Variants in SPHKAP observed in about 807,000 individuals in gnomAD.
The protein encoded by SPHKAP is SPHK1 interactor, AKAP domain containing.
In SPHKAP, 67 loss-of-function variants were observed where a neutral mutation model predicts 137.5. That is an observed-to-expected ratio of 0.49 (90% CI 0.40 to 0.60). The LOEUF is 0.60. SPHKAP is among the 20% of genes least tolerant of loss of function. The pLI is 0.00. For missense variants in SPHKAP, 2,097 were observed against 2,069.3 expected, an observed-to-expected ratio of 1.01 and a Z score of -0.26; for synonymous variants, 813 against 785.3, an observed-to-expected ratio of 1.04 and a Z score of -0.59.
intron 3 of SPHKAP, among the ~76,000 whole-genome samples, chr2:228,074,914 A>G (rs1167199384): frequency 6.6e-6 from 1 of 151,792 alleles, no homozygotes. Context: ...ATTCCTGCCA[A>G]TCAAGTCTCA....
At chr2:228,089,439 G>A (rs1375659517) in intron 3 of SPHKAP, among the ~76,000 whole-genome samples, 2 of 152,198 alleles carry the variant, frequency 1.3e-5, no homozygotes, top group East Asian at 1.9e-4. Context: ...ATTTAAAAGG[G>A]AAGCAGAGCA....
intron 3 of SPHKAP, among the ~76,000 whole-genome samples, chr2:228,051,160 A>G (rs775557904): frequency 6.6e-6 from 1 of 152,068 alleles, no homozygotes; most frequent in Non-Finnish European, 1.5e-5. Flanking sequence ...ATTTTGGGCA[A>G]ATGAATATTT....
chr2:228,181,668 A>G lies in SPHKAP; in HGVS notation c.-70T>C, dbSNP rs1440367528. 1 of 1,613,750 alleles carries G rather than the reference A, an allele frequency of 6.2e-7. No homozygotes were observed. The highest frequency in any genetic ancestry group is 2.2e-5 in the East Asian group (1 of 44,848). ...GGATAAGTCTGTGGTGCTAGGACCC[A>G]GCTCCCAGAGTGCCAGACTGGCGCG... On this transcript the variant is annotated 5_prime_UTR_variant, in exon 1 of 12. Coordinates refer to ENST00000392056, the MANE Select transcript of SPHKAP (RefSeq NM_001142644.2). The surrounding 1 kb of genome is among the most constrained non-coding windows in gnomAD (Gnocchi z 4.3).
At chr2:228,171,081 A>T (rs1700570849) in intron 1 of SPHKAP, among the ~76,000 whole-genome samples, 2 of 152,104 alleles carry the variant, frequency 1.3e-5, no homozygotes, top group African/African-American at 4.8e-5. Context: ...TTGTATAGAC[A>T]TTATTTTTTC....
intron 3 of SPHKAP, among the ~76,000 whole-genome samples, chr2:228,034,640 T>G (rs1243067836): frequency 6.6e-6 from 1 of 152,150 alleles, no homozygotes; most frequent in African/African-American, 2.4e-5. Flanking sequence ...AATAAAATAT[T>G]GGCAAACCGA....
intron 4 of SPHKAP, among the ~76,000 whole-genome samples, chr2:228,027,140 A>G (rs1695072816): frequency 6.6e-6 from 1 of 152,222 alleles, no homozygotes; most frequent in Non-Finnish European, 1.5e-5. Flanking sequence ...TGATGAAAGC[A>G]GCAGGAAGAA....
chr2:228,020,498 C>T (rs1029253265), intron 6 of SPHKAP, among the ~76,000 whole-genome samples: 6 of 152,100 alleles, frequency 3.9e-5, no homozygotes, highest in Admixed American at 1.3e-4. Context: ...TGTTCTCACT[C>T]ATAGGTGGGA....
chr2:228,151,089 C>G (rs568198533), intron 1 of SPHKAP, among the ~76,000 whole-genome samples: 3 of 142,756 alleles, frequency 2.1e-5, no homozygotes, highest in South Asian at 2.3e-4. Context: ...CCCGCTCCCC[C>G]CACCCCACCA....
At chr2:228,027,709 T>C (rs1043790823) in intron 3 of SPHKAP, among the ~76,000 whole-genome samples, 166 bp from the exon 4 acceptor site, 2 of 152,086 alleles carry the variant, frequency 1.3e-5, no homozygotes, top group Non-Finnish European at 2.9e-5. Flanking sequence ...GGCTTATGGT[T>C]GTAATCCCAG....
chr2:228,135,615 C>T (rs1051049716), intron 1 of SPHKAP, among the ~76,000 whole-genome samples: 5 of 152,106 alleles, frequency 3.3e-5, no homozygotes, highest in South Asian at 2.1e-4. Flanking sequence ...TAGTTGAAAA[C>T]GAAGTTATGG....
chr2:227,996,097 GT>G, intron 7 of SPHKAP: 17 of 983,258 alleles, frequency 1.7e-5, no homozygotes, highest in Non-Finnish European at 1.9e-5. Context: ...ATCACTCCTG[GT>G]TGATTCTAAT....
intron 3 of SPHKAP, among the ~76,000 whole-genome samples, chr2:228,108,066 A>G (rs1358352495): frequency 6.6e-6 from 1 of 152,130 alleles, no homozygotes; most frequent in Non-Finnish European, 1.5e-5. Context: ...CTGGCATGCA[A>G]CTTACCTCCA....
chr2:228,084,848 A>G (rs1229108704), intron 3 of SPHKAP, among the ~76,000 whole-genome samples: 1 of 152,218 alleles, frequency 6.6e-6, no homozygotes, highest in African/African-American at 2.4e-5. Context: ...CAAATTTACC[A>G]AAGGAAGAAA....
At chr2:228,026,722 G>T (rs1430794766) in intron 4 of SPHKAP, among the ~76,000 whole-genome samples, 1 of 152,088 alleles carries the variant, frequency 6.6e-6, no homozygotes, top group Admixed American at 6.5e-5. Context: ...GATATTTGGG[G>T]CTCGGTGAAA....
intron 3 of SPHKAP, among the ~76,000 whole-genome samples, chr2:228,034,000 A>G (rs1024682330): frequency 3.3e-5 from 5 of 152,160 alleles, no homozygotes; most frequent in Admixed American, 6.5e-5. Flanking sequence ...ACTTTCAAAA[A>G]CTAGCAGAAG....
chr2:228,027,960 G>GAAAAAAAAA (rs113514692), intron 3 of SPHKAP: 4 of 805,276 alleles, frequency 5.0e-6, no homozygotes, highest in Non-Finnish European at 4.3e-6. Context: ...GACTGCATCT[G>GAAAAAAAAA]AAAAAAAAAA....
Position 228,027,578 on chromosome 2 carries a change from C to A in SPHKAP, c.247-35G>T, listed in dbSNP as rs370194446. On this transcript the variant is annotated intron_variant, in intron 3 of 11. Coordinates refer to ENST00000392056, the MANE Select transcript of SPHKAP (RefSeq NM_001142644.2). ...GAGGGCAAAAATAGTACGTTAAAGTCAAAAACCTGACTGTCTTTTTAGAAG... is the reference window on the plus strand; with the variant it reads ...GAGGGCAAAAATAGTACGTTAAAGTAAAAAACCTGACTGTCTTTTTAGAAG... 131 of 1,601,980 alleles carry A rather than the reference C, an allele frequency of 8.2e-5. No homozygotes were observed. In the Middle Eastern group the frequency reaches 8.3e-4, roughly 10 times the overall value.
intron 1 of SPHKAP, among the ~76,000 whole-genome samples, chr2:228,140,362 C>T (rs2106385786): frequency 6.6e-6 from 1 of 152,090 alleles, no homozygotes; most frequent in South Asian, 2.1e-4. Flanking sequence ...CAGGGACATT[C>T]AGAATGTATG....
In SPHKAP at chr2:228,017,402, T is replaced by C. The variant is rs745962397; in HGVS notation, c.3452A>G (p.Tyr1151Cys). The C allele has an allele frequency of 5.6e-6, 9 of 1,614,118 alleles. No homozygotes were observed. Among genetic ancestry groups the C allele is most frequent in the South Asian group, 4.4e-5 (4 of 91,080 alleles). The change falls in exon 7 of 12, where the codon TAT becomes TGT. Residue 1151 changes from tyrosine (Y) to cysteine (C), a missense_variant. By Grantham distance (194) the Tyr-to-Cys change is radical. Coordinates refer to ENST00000392056, the MANE Select transcript of SPHKAP (RefSeq NM_001142644.2). The part of the protein sequence containing the change: ...GRGFELLLDY[Y>C]AGKNASSILN... ...AATGCTGCTGGCGTTCTTGCCAGCATAGTAATCCAGCAGTAACTCAAATCC... is the reference window on the plus strand; with the variant it reads ...AATGCTGCTGGCGTTCTTGCCAGCACAGTAATCCAGCAGTAACTCAAATCC...
Sources: gnomAD v4.1 joint callset for allele counts (sites outside exome capture counted in the v4.1 genomes callset) on GRCh38, gnomAD v4.1.1 for gene constraint, Gnocchi (gnomAD v3.1) non-coding constraint, MANE v1.5 for transcripts, NCBI Gene and HGNC (gene_info 2026-07-23, HGNC 2026-07-21) for gene names.